The following PARP6 variants were observed in gnomAD, a reference collection of about 807,000 sequenced individuals.
PARP6 encodes protein mono-ADP-ribosyltransferase PARP6.
In PARP6, 27 loss-of-function variants were observed where a neutral mutation model predicts 92.0. That is an observed-to-expected ratio of 0.29 (90% CI 0.22 to 0.40). The LOEUF (loss-of-function observed/expected upper bound fraction) is 0.40. PARP6 is among the 10% of genes least tolerant of loss of function. The pLI, the probability that PARP6 is intolerant of heterozygous loss-of-function variation, is 1.00. For synonymous variants in PARP6, 272 were observed against 281.2 expected, an observed-to-expected ratio of 0.97 and a Z score of 0.33; for missense variants, 501 against 784.5, an observed-to-expected ratio of 0.64 and a Z score of 4.32.
intron 3 of PARP6, 165 bp from the exon 4 acceptor site, chr15:72,266,987 TCA>T: frequency 1.7e-6 from 1 of 603,314 alleles, no homozygotes. Flanking sequence ...TGTGAGAGTC[TCA>T]GTCTCTTCCT....
intron 19 of PARP6, among the ~76,000 whole-genome samples, chr15:72,249,659 C>T (rs2084078929): frequency 6.6e-6 from 1 of 152,250 alleles, no homozygotes; most frequent in African/African-American, 2.4e-5. Flanking sequence ...AATACACACT[C>T]CCTGGAGTCT....
intron 2 of PARP6, among the ~76,000 whole-genome samples, chr15:72,269,205 G>A (rs1275007221): frequency 6.6e-6 from 1 of 152,154 alleles, no homozygotes; most frequent in Non-Finnish European, 1.5e-5. Context: ...GTGTCGCCCA[G>A]GCTGGAGTGC....
chr15:72,253,646 C>T lies in PARP6; in HGVS notation c.1192-142G>A, dbSNP rs375210497. 46 of 713,768 alleles carry T rather than the reference C, an allele frequency of 6.4e-5. No homozygotes were observed. In the Middle Eastern group the frequency reaches 7.2e-4, roughly 11 times the overall value. The allele number at this position is 713,768 out of a possible 1,614,324, so 44.2% of individuals were successfully genotyped here. ...GAGGAAAAAGGAGATAGGGTTCCCA[C>T]CCTCAAGGAGCCCTAGTCAGGCTGG... On this transcript the variant is annotated intron_variant, in intron 15 of 23. Coordinates refer to ENST00000569795, the MANE Select transcript of PARP6 (RefSeq NM_001323532.2).
intron 2 of PARP6, among the ~76,000 whole-genome samples, chr15:72,268,577 G>A (rs546347464): frequency 5.9e-5 from 9 of 152,148 alleles, no homozygotes; most frequent in South Asian, 2.1e-4. Context: ...GTGCGCTTAC[G>A]ATCCCAGCTA....
At chr15:72,245,740 T>A (rs2083529425) in intron 20 of PARP6, 1 of 152,188 alleles carries the variant, frequency 6.6e-6, no homozygotes, top group Non-Finnish European at 1.5e-5. Context: ...TATGATATCT[T>A]TATGTAATCG....
intron 17 of PARP6, 28 bp downstream of exon 17, chr15:72,251,179 A>G (rs1394363104): frequency 2.7e-6 from 4 of 1,498,012 alleles, no homozygotes; most frequent in African/African-American, 2.8e-5. Flanking sequence ...AGAAATTTAA[A>G]GCATTTAGAG....
rs540241826 is a variant in PARP6 at position 72,265,971 on chromosome 15, C to T, written c.102G>A (p.Leu34=). The T allele has an allele frequency of 4.3e-6, 7 of 1,613,792 alleles. No individual in the cohort carries two copies. The South Asian group carries it at 6.6e-5, about 15-fold the overall frequency. ...CTGCATCAAGCTGTGGGTGTCGATA[C>T]AGGTCAGCTGCACAGCTCCCCTGAG... The part of the protein sequence containing the change: ...YGVQGSCAAD[L]YRHPQLDADI... Residue 34 remains leucine (L), a synonymous_variant, in exon 5 of 24, where the codon CTG becomes CTA. Transcript: ENST00000569795.
chr15:72,263,252 A>C (rs767919460), intron 8 of PARP6, among the ~76,000 whole-genome samples: 7 of 152,204 alleles, frequency 4.6e-5, no homozygotes, highest in Non-Finnish European at 8.8e-5. Context: ...TATTCAATAT[A>C]TCTAAATCAG....
chr15:72,250,111 T>C lies in PARP6; in HGVS notation c.1419-19A>G. 6.5e-7 allele frequency: 1 copy of C among 1,531,702 alleles called. No homozygotes were observed. Among genetic ancestry groups the C allele is most frequent in the South Asian group, 1.1e-5 (1 of 89,450 alleles). The allele number at this position is 1,531,702 out of a possible 1,614,324, so 94.9% of individuals were successfully genotyped here. A position where few individuals can be genotyped will look rare whatever the true frequency, so the allele number is the denominator to read the frequency against. On this transcript the variant is annotated intron_variant, in intron 18 of 23. Coordinates refer to ENST00000569795, the MANE Select transcript of PARP6 (RefSeq NM_001323532.2). ...GGACCCACTGTAAGGCAGGGTAGAA[T>C]ACATGTCTCCTTATGATATGAGGTT...
Position 72,251,001 on chromosome 15 carries a change from G to A in PARP6, c.1309-47C>T, listed in dbSNP as rs768331414. On this transcript the variant is annotated intron_variant, in intron 17 of 23. Coordinates refer to ENST00000569795, the MANE Select transcript of PARP6 (RefSeq NM_001323532.2). Reference sequence around the variant, plus strand: ...GAATCAGGAAAACAGAGCAGAAATCGAGATCAGGGAGGGAAGGGTTGGGGA... The same window carrying A: ...GAATCAGGAAAACAGAGCAGAAATCAAGATCAGGGAGGGAAGGGTTGGGGA... 26 of 1,387,164 alleles carry A rather than the reference G, an allele frequency of 1.9e-5. 1 individual carries two copies. The highest frequency in any genetic ancestry group is 1.8e-4 in the Admixed American group (10 of 54,920). The allele number at this position is 1,387,164 out of a possible 1,614,324, so 85.9% of individuals were successfully genotyped here.
intron 20 of PARP6, chr15:72,243,153 T>C (rs1355531315): frequency 1.9e-5 from 3 of 159,252 alleles, no homozygotes; most frequent in African/African-American, 7.2e-5. Flanking sequence ...AGAGGCAAGC[T>C]AGGATCAGAT....
At chr15:72,264,693 T>A (rs1215585608) in intron 7 of PARP6, 72 bp from the exon 8 acceptor site, 2 of 1,143,136 alleles carry the variant, frequency 1.7e-6, no homozygotes, top group East Asian at 4.7e-5. Flanking sequence ...CTCAGTGGAA[T>A]AGCTTCCATA....
chr15:72,262,664 A>G (rs1005476004), intron 8 of PARP6, among the ~76,000 whole-genome samples: 5 of 152,108 alleles, frequency 3.3e-5, no homozygotes, highest in Admixed American at 2.0e-4. Flanking sequence ...CTTCACCACT[A>G]TAATTGTTCT....
intron 20 of PARP6, chr15:72,249,021 T>C (rs1291881831): frequency 5.4e-6 from 2 of 371,088 alleles, no homozygotes; most frequent in Non-Finnish European, 9.8e-6. Flanking sequence ...AAGCCCCTGC[T>C]ATGAATAAAA....
intron 2 of PARP6, 65 bp downstream of exon 2, chr15:72,270,958 C>G (rs1200689380): frequency 6.6e-6 from 1 of 152,154 alleles, no homozygotes; most frequent in Non-Finnish European, 1.5e-5. Context: ...TATACAATAA[C>G]CTGCATGTTT....
intron 13 of PARP6, among the ~76,000 whole-genome samples, chr15:72,256,941 G>A (rs2085221649): frequency 6.6e-6 from 1 of 152,072 alleles, no homozygotes; most frequent in African/African-American, 2.4e-5. Flanking sequence ...GCAGTGGTGT[G>A]ATCATGGCCC....
At chr15:72,250,307 G>T in intron 18 of PARP6, 1 of 486,430 alleles carries the variant, frequency 2.1e-6, no homozygotes. Flanking sequence ...TCCTCTCTTC[G>T]GTGCTTCAGC....
intron 13 of PARP6, 53 bp downstream of exon 13, chr15:72,257,295 T>G: frequency 1.6e-6 from 2 of 1,252,470 alleles, no homozygotes; most frequent in Non-Finnish European, 2.3e-6. Flanking sequence ...AATTGCTGGG[T>G]TCCTCTGTCT....
rs1390361763 is a variant in PARP6 at position 72,241,560 on chromosome 15, G to A, written c.1791-3C>T. 11 of 1,599,050 alleles carry A rather than the reference G, an allele frequency of 6.9e-6. No individual in the cohort carries two copies. The South Asian group carries it at 9.9e-5, about 14-fold the overall frequency. On this transcript the variant is annotated splice_region_variant and splice_polypyrimidine_tract_variant and intron_variant, in intron 23 of 23. Coordinates refer to ENST00000569795, the MANE Select transcript of PARP6 (RefSeq NM_001323532.2). The surrounding 1 kb of genome is among the most constrained non-coding windows in gnomAD (Gnocchi z 4.1). Reference sequence around the variant, plus strand: ...CGCCCACCTGACCATCCTCATATCTGCCAAAGATAGGGCAAGTGTGAGCAT... The same window carrying A: ...CGCCCACCTGACCATCCTCATATCTACCAAAGATAGGGCAAGTGTGAGCAT...
Sources: allele counts gnomAD v4.1 joint callset (sites outside exome capture counted in the v4.1 genomes callset), GRCh38; gene constraint gnomAD v4.1.1; non-coding constraint Gnocchi (gnomAD v3.1); transcripts MANE v1.5; gene names NCBI Gene and HGNC (gene_info 2026-07-23, HGNC 2026-07-21).